The following LRBA variants were observed in gnomAD, a reference collection of about 807,000 sequenced individuals.
LRBA encodes the protein LPS responsive beige-like anchor protein.
LRBA carries 176 observed loss-of-function variants against 330.0 expected under a neutral mutation model. The ratio of observed to expected loss-of-function variants is 0.53; its 90% confidence interval spans 0.47 to 0.60. LRBA has a LOEUF of 0.60. Ranked by LOEUF, LRBA falls within the 20% of genes least tolerant of loss-of-function variation. The pLI is 0.00. For missense variants in LRBA, 3,259 were observed against 3,444.8 expected (o/e 0.95, Z 1.35); for synonymous variants, 1,230 against 1,193.0 (o/e 1.03, Z -0.64).
intron 37 of LRBA, among the ~76,000 whole-genome samples, chr4:150,636,670 T>G (rs1777945371): frequency 6.6e-6 from 1 of 152,150 alleles, no homozygotes; most frequent in Non-Finnish European, 1.5e-5. Flanking sequence ...CTCATGCCCG[T>G]AATCCCAGTA....
At chr4:150,492,141 A>G (rs1324049626) in intron 40 of LRBA, among the ~76,000 whole-genome samples, 3 of 151,044 alleles carry the variant, frequency 2.0e-5, no homozygotes, top group Non-Finnish European at 4.4e-5. Context: ...TGGCAAATAA[A>G]TCTACATTCT....
intron 2 of LRBA, among the ~76,000 whole-genome samples, chr4:150,982,306 G>C (rs1317195510): frequency 6.6e-6 from 1 of 152,050 alleles, no homozygotes; most frequent in East Asian, 1.9e-4. Flanking sequence ...TACATTGTGA[G>C]GAAATCAATA....
At chr4:150,643,348 A>G (rs1302806800) in intron 37 of LRBA, among the ~76,000 whole-genome samples, 1 of 151,974 alleles carries the variant, frequency 6.6e-6, no homozygotes. Flanking sequence ...CATAAAAAGT[A>G]TTATGAAAAA....
chr4:150,398,920 G>A (rs1156914511), intron 47 of LRBA, among the ~76,000 whole-genome samples: 1 of 152,104 alleles, frequency 6.6e-6, no homozygotes, highest in African/African-American at 2.4e-5. Context: ...GAGCCACCAT[G>A]CCCAGCCCTT....
chr4:150,759,581 C>T (rs974728241), intron 35 of LRBA, among the ~76,000 whole-genome samples: 1 of 152,098 alleles, frequency 6.6e-6, no homozygotes, highest in Admixed American at 6.6e-5. Context: ...CCATACCAAC[C>T]TTTTTTACTT....
chr4:150,450,727 C>T (rs1053193539), intron 44 of LRBA, among the ~76,000 whole-genome samples: 7 of 152,066 alleles, frequency 4.6e-5, no homozygotes, highest in South Asian at 2.1e-4. Context: ...CTTGAAAACA[C>T]GTAAAATAAA....
rs536059190 is a variant in LRBA at position 150,499,616 on chromosome 4, T to C, written c.6331-8581A>G. Among the ~76,000 whole-genome samples the C allele has an allele frequency of 3.3e-5, 5 of 152,164 alleles. No individual in the cohort carries two copies. The East Asian group carries it at 9.6e-4, about 29-fold the overall frequency. ...TATGACTGCACCACTGTACTTCAGG[T>C]TGGGCAACAGAGACTTTTTTTTTTT... is the stretch of plus-strand genomic sequence containing the variant. On this transcript the variant is annotated intron_variant, in intron 40 of 56. Transcript: ENST00000651943.
intron 2 of LRBA, among the ~76,000 whole-genome samples, chr4:150,999,400 T>C (rs1303154567): frequency 6.6e-6 from 1 of 151,936 alleles, no homozygotes; most frequent in Non-Finnish European, 1.5e-5. Context: ...AAATTACAAA[T>C]AATTAGTCTT....
intron 32 of LRBA, among the ~76,000 whole-genome samples, chr4:150,807,027 TA>T (rs1742898493): frequency 6.6e-6 from 1 of 150,486 alleles, no homozygotes; most frequent in Admixed American, 6.6e-5. Context: ...TATAAATATA[TA>T]AAAATATATT....
At chr4:150,928,301 T>TA (rs1353190873) in intron 4 of LRBA, among the ~76,000 whole-genome samples, 1 of 152,230 alleles carries the variant, frequency 6.6e-6, no homozygotes, top group African/African-American at 2.4e-5. Context: ...GAAGAAGAAT[T>TA]AAATTACCAG....
intron 36 of LRBA, among the ~76,000 whole-genome samples, chr4:150,730,760 G>A (rs1253892279): frequency 1.3e-5 from 2 of 151,826 alleles, no homozygotes; most frequent in African/African-American, 4.8e-5. Context: ...ACTCACACCT[G>A]TAATCTCAGC....
chr4:150,476,850 T>C (rs919195220), intron 42 of LRBA, among the ~76,000 whole-genome samples: 2 of 152,138 alleles, frequency 1.3e-5, no homozygotes, highest in African/African-American at 2.4e-5. Flanking sequence ...CTCCTGGGTG[T>C]CAGAAAGAAT....
At chr4:150,428,005 T>C (rs185907216) in intron 46 of LRBA, among the ~76,000 whole-genome samples, 345 of 152,162 alleles carry the variant, frequency 2.3e-3, no homozygotes, top group Non-Finnish European at 3.2e-3. Context: ...AAAGGTCTCA[T>C]GTTTTACAAA....
intron 17 of LRBA, among the ~76,000 whole-genome samples, chr4:150,877,220 T>C (rs1255670340): frequency 1.4e-5 from 2 of 146,820 alleles, no homozygotes; most frequent in African/African-American, 5.1e-5. Flanking sequence ...ATCGCGCCAC[T>C]GCACTCCAGC....
intron 46 of LRBA, chr4:150,423,411 G>A (rs1215833159): frequency 1.8e-5 from 11 of 626,380 alleles, no homozygotes; most frequent in Middle Eastern, 5.9e-4. Flanking sequence ...TTCCTTCTGC[G>A]CTTCTTTTTG....
upstream of LRBA, chr4:151,015,683 T>G (rs1272752088): frequency 1.3e-5 from 2 of 152,118 alleles, no homozygotes; most frequent in Non-Finnish European, 2.9e-5. Flanking sequence ...GGCTGTCGTG[T>G]GCCCACTGAA....
At chr4:150,479,384 G>C (rs539181466) in intron 42 of LRBA, among the ~76,000 whole-genome samples, 2 of 152,226 alleles carry the variant, frequency 1.3e-5, no homozygotes, top group African/African-American at 4.8e-5. Flanking sequence ...CTAAAATAAA[G>C]AGATAATTTG....
intron 47 of LRBA, among the ~76,000 whole-genome samples, chr4:150,369,682 C>CAT (rs34947667): frequency 0.85 from 128,637 of 151,954 alleles, 55,092 homozygotes; most frequent in Non-Finnish European, 0.92. Context: ...AACTTTTTGA[C>CAT]AGATTTTGCT....
intron 37 of LRBA, among the ~76,000 whole-genome samples, chr4:150,672,476 C>G (rs1195868238): frequency 6.6e-6 from 1 of 151,812 alleles, no homozygotes; most frequent in Non-Finnish European, 1.5e-5. Context: ...TGTACATCTA[C>G]AATTTCCTAA....
Sources: gnomAD v4.1 joint callset for allele counts (sites outside exome capture counted in the v4.1 genomes callset) on GRCh38, gnomAD v4.1.1 for gene constraint, MANE v1.5 for transcripts, NCBI Gene and HGNC (gene_info 2026-07-23, HGNC 2026-07-21) for gene names.